TRABD2B: variants seen among roughly 807,000 people sequenced by gnomAD.
The protein encoded by TRABD2B is metalloprotease TIKI2.
In TRABD2B, 14 loss-of-function variants were observed where a neutral mutation model predicts 40.1. That is an observed-to-expected ratio of 0.35 (90% CI 0.23 to 0.55). The LOEUF (loss-of-function observed/expected upper bound fraction) is 0.55, where lower values mean the gene tolerates loss of function less well. Ranked by LOEUF, TRABD2B falls within the 20% of genes least tolerant of loss-of-function variation. TRABD2B has a pLI of 0.90. For missense variants in TRABD2B, 541 were observed against 648.6 expected (o/e 0.83, Z 1.80); for synonymous variants, 263 against 277.0 (o/e 0.95, Z 0.50).
At chr1:47,873,223 G>A (rs1169505629) in intron 2 of TRABD2B, among the ~76,000 whole-genome samples, 1 of 152,176 alleles carries the variant, frequency 6.6e-6, no homozygotes, top group Non-Finnish European at 1.5e-5. Context: ...TGAAGGTCAA[G>A]ATTTCAACAT....
In TRABD2B at chr1:47,972,927, TGTGGGGACTGTAC is replaced by T. The variant is rs143857799; in HGVS notation, c.666+21094_666+21106del. Among the ~76,000 whole-genome samples, 603 of 152,306 alleles carry T rather than the reference TGTGGGGACTGTAC, an allele frequency of 4.0e-3. 4 individuals are homozygous for T. The highest frequency in any genetic ancestry group is 0.014 in the African/African-American group (567 of 41,564). On this transcript the variant is annotated intron_variant, in intron 2 of 6. Coordinates refer to ENST00000606738, the MANE Select transcript of TRABD2B (RefSeq NM_001194986.2). ...CTCTAAGGACATGTGCTTTCTCTCT[TGTGGGGACTGTAC>T]GTGCATGGTTGTGTACTCTTTACTG... is the stretch of plus-strand genomic sequence containing the variant.
intron 6 of TRABD2B, among the ~76,000 whole-genome samples, chr1:47,774,007 A>T (rs1644410193): frequency 6.6e-6 from 1 of 152,100 alleles, no homozygotes. Context: ...CCTTGTGGGG[A>T]CCCTGGTCAA....
chr1:47,920,486 T>TC (rs1644887648), intron 2 of TRABD2B, among the ~76,000 whole-genome samples: 1 of 152,206 alleles, frequency 6.6e-6, no homozygotes, highest in Non-Finnish European at 1.5e-5. Flanking sequence ...CTGGGTGTTT[T>TC]CCCCTGGGGG....
At chr1:47,888,846 G>C (rs1277271873) in intron 2 of TRABD2B, among the ~76,000 whole-genome samples, 2 of 152,122 alleles carry the variant, frequency 1.3e-5, no homozygotes, top group Non-Finnish European at 2.9e-5. Context: ...AGGGCCCTGA[G>C]TTTTCCCTGG....
At chr1:47,940,680 G>T (rs1557669443) in intron 2 of TRABD2B, among the ~76,000 whole-genome samples, 1 of 152,216 alleles carries the variant, frequency 6.6e-6, no homozygotes, top group Non-Finnish European at 1.5e-5. Flanking sequence ...CATCTGCCAG[G>T]GGGGCTTGCT....
intron 2 of TRABD2B, among the ~76,000 whole-genome samples, chr1:47,968,239 C>T (rs573324653): frequency 6.6e-6 from 1 of 152,298 alleles, no homozygotes; most frequent in Non-Finnish European, 1.5e-5. Flanking sequence ...CGTTCATGAC[C>T]CAGATGCACA....
chr1:47,967,456 G>A (rs369019122), intron 2 of TRABD2B, among the ~76,000 whole-genome samples: 5 of 151,682 alleles, frequency 3.3e-5, no homozygotes, highest in South Asian at 2.1e-4. Context: ...AATTAACACC[G>A]CACCACATCC....
At chr1:47,938,669 C>T (rs544848260) in intron 2 of TRABD2B, among the ~76,000 whole-genome samples, 130 of 152,276 alleles carry the variant, frequency 8.5e-4, no homozygotes, top group Admixed American at 4.6e-3. Flanking sequence ...CTCCCACTTT[C>T]CTTTTACTGG....
chr1:47,773,054 C>A (rs1446022691), intron 6 of TRABD2B, among the ~76,000 whole-genome samples: 1 of 152,196 alleles, frequency 6.6e-6, no homozygotes, highest in African/African-American at 2.4e-5. Flanking sequence ...TGAAATTTAC[C>A]TTCAGACATG....
rs114109522 is a variant in TRABD2B at position 47,845,653 on chromosome 1, T to G, written c.667-44034A>C. ...TAAACTATCTCTCCTCAGGCATATG[T>G]GCAGCAAATTCATTATAGAGTGGGT... On this transcript the variant is annotated intron_variant, in intron 2 of 6. Coordinates refer to ENST00000606738, the MANE Select transcript of TRABD2B (RefSeq NM_001194986.2). 4.5e-3 allele frequency among the ~76,000 whole-genome samples: 685 copies of G among 152,330 alleles called. 4 individuals carry two copies. Among genetic ancestry groups the G allele is most frequent in the African/African-American group, 0.016 (659 of 41,560 alleles).
Position 47,996,815 on chromosome 1 carries a change from G to C in TRABD2B, c.-26C>G. ...CCTGCCAGGGCCCGCGGGGCGCGGGGGACCCTCCTGGGCGGCGCCCCTCAG... is the reference window on the plus strand; with the variant it reads ...CCTGCCAGGGCCCGCGGGGCGCGGGCGACCCTCCTGGGCGGCGCCCCTCAG... On this transcript the variant is annotated 5_prime_UTR_variant, in exon 1 of 7. Transcript: ENST00000606738. This position sits in a 1 kb window ranked among gnomAD's most constrained non-coding sequence, Gnocchi z 4.6. 8.5e-7 allele frequency: 1 copy of C among 1,179,740 alleles called. No homozygotes were observed. Among genetic ancestry groups the C allele is most frequent in the South Asian group, 4.2e-5 (1 of 23,840 alleles). 73.1% of individuals were successfully genotyped at this position (1,179,740 alleles called of 1,614,324 possible).
chr1:47,873,016 C>G (rs964925569), intron 2 of TRABD2B, among the ~76,000 whole-genome samples: 6 of 152,238 alleles, frequency 3.9e-5, no homozygotes, highest in Non-Finnish European at 8.8e-5. Context: ...CTGGTGGGGC[C>G]CACTTCCTGC....
In TRABD2B at chr1:47,762,619, T is replaced by C. The variant is rs1644255988; in HGVS notation, c.*3283A>G. On this transcript the variant is annotated 3_prime_UTR_variant, in exon 7 of 7. Transcript: ENST00000606738. ...CATGAAGAAAATATGCTTAGGGTCTTTCAATGCAAGGACAAATTTGTTCAT... is the reference window on the plus strand; with the variant it reads ...CATGAAGAAAATATGCTTAGGGTCTCTCAATGCAAGGACAAATTTGTTCAT... 1 of 152,164 alleles carries C rather than the reference T, an allele frequency of 6.6e-6. No individual in the cohort carries two copies. Among genetic ancestry groups the C allele is most frequent in the Non-Finnish European group, 1.5e-5 (1 of 68,016 alleles). 9.4% of individuals were successfully genotyped at this position (152,164 alleles called of 1,614,324 possible). A position where few individuals can be genotyped will look rare whatever the true frequency, so the allele number is the denominator to read the frequency against.
chr1:47,970,885 T>A (rs1358984749), intron 2 of TRABD2B, among the ~76,000 whole-genome samples: 2 of 152,168 alleles, frequency 1.3e-5, no homozygotes, highest in Non-Finnish European at 2.9e-5. Flanking sequence ...GGCGCATGTC[T>A]GCTAGCGTCT....
chr1:47,970,649 G>A (rs891718613), intron 2 of TRABD2B, among the ~76,000 whole-genome samples: 4 of 152,132 alleles, frequency 2.6e-5, no homozygotes, highest in African/African-American at 9.7e-5. Flanking sequence ...TCACTTGCAC[G>A]TCTGTGGGTC....
At chr1:47,796,869 G>A (rs752245427) in intron 3 of TRABD2B, among the ~76,000 whole-genome samples, 5 of 152,190 alleles carry the variant, frequency 3.3e-5, no homozygotes, top group African/African-American at 4.8e-5. Flanking sequence ...GAACACTGAC[G>A]GCTTCTGAAC....
At chr1:47,917,380 CCT>C (rs1185732029) in intron 2 of TRABD2B, among the ~76,000 whole-genome samples, 1 of 152,098 alleles carries the variant, frequency 6.6e-6, no homozygotes, top group Non-Finnish European at 1.5e-5. Flanking sequence ...GAGGCTATTA[CCT>C]CTGTCACTCA....
intron 2 of TRABD2B, among the ~76,000 whole-genome samples, chr1:47,871,710 G>A (rs1644143468): frequency 6.6e-6 from 1 of 152,150 alleles, no homozygotes; most frequent in Non-Finnish European, 1.5e-5. Flanking sequence ...GGTTCCCAGT[G>A]AGCTGGTTAG....
chr1:47,988,995 A>G (rs1434192692), intron 2 of TRABD2B, among the ~76,000 whole-genome samples: 1 of 152,222 alleles, frequency 6.6e-6, no homozygotes, highest in Non-Finnish European at 1.5e-5. Flanking sequence ...AGATTAGTTC[A>G]TGAGGTCTGT....
Sources: allele counts gnomAD v4.1 joint callset (sites outside exome capture counted in the v4.1 genomes callset), GRCh38; gene constraint gnomAD v4.1.1; non-coding constraint Gnocchi (gnomAD v3.1); transcripts MANE v1.5; gene names NCBI Gene and HGNC (gene_info 2026-07-23, HGNC 2026-07-21).